The following PTPRS variants were observed in gnomAD, a reference collection of about 807,000 sequenced individuals.
The protein encoded by PTPRS is receptor-type tyrosine-protein phosphatase S.
PTPRS carries 63 observed loss-of-function variants against 215.3 expected under a neutral mutation model. The ratio of observed to expected loss-of-function variants is 0.29; its 90% CI spans 0.24 to 0.36. The LOEUF (loss-of-function observed/expected upper bound fraction) is 0.36. PTPRS is among the 10% of genes least tolerant of loss of function. PTPRS has a pLI of 1.00. For synonymous variants in PTPRS, 1,404 were observed against 1,191.4 expected, an observed-to-expected ratio of 1.18 and a Z score of -3.68; for missense variants, 2,258 against 2,825.8, an observed-to-expected ratio of 0.80 and a Z score of 4.56.
chr19:5,233,407 G>T (rs1461987741), intron 13 of PTPRS, among the ~76,000 whole-genome samples: 1 of 150,310 alleles, frequency 6.7e-6, no homozygotes, highest in East Asian at 2.0e-4. Flanking sequence ...AACAGCAACA[G>T]AAGCTCCATT....
Position 5,210,548 on chromosome 19 carries a change from T to G in PTPRS, c.5408A>C (p.Gln1803Pro). ...YWPAERSARY[Q>P]YFVVDPMAEY... ...TGCCATCGGATCTACCACAAAGTAC[T>G]GGTAGCGGGCAGAGCGCTCGGCCGG... The change falls in exon 35 of 38, where the codon CAG becomes CCG. Residue 1803 changes from glutamine to proline, a missense_variant. Physicochemically the swap from Gln to Pro is moderately conservative, Grantham distance 76 (BLOSUM62 -1). Coordinates refer to ENST00000262963, the MANE Select transcript of PTPRS (RefSeq NM_002850.4). This position sits in a 1 kb window ranked among gnomAD's most constrained non-coding sequence, Gnocchi z 4.5. 1.2e-6 allele frequency: 2 copies of G among 1,614,186 alleles called. No homozygotes were observed. The highest frequency in any genetic ancestry group is 1.7e-6 in the Non-Finnish European group (2 of 1,180,030).
chr19:5,228,832 C>T (rs968610116), intron 16 of PTPRS, among the ~76,000 whole-genome samples: 2 of 152,182 alleles, frequency 1.3e-5, no homozygotes, highest in Non-Finnish European at 2.9e-5. Flanking sequence ...CCACTCTGGC[C>T]CCGCTGACAC....
At chr19:5,300,309 C>A (rs1198806204) in intron 1 of PTPRS, among the ~76,000 whole-genome samples, 1 of 143,480 alleles carries the variant, frequency 7.0e-6, no homozygotes, top group Non-Finnish European at 1.5e-5. Context: ...CAAGTCACAC[C>A]GGCCACATTT....
Position 5,308,235 on chromosome 19 carries a change from C to T in PTPRS, c.-94-22001G>A, listed in dbSNP as rs573308624. On this transcript the variant is annotated intron_variant, in intron 1 of 37. Transcript: ENST00000262963. Reference sequence around the variant, plus strand: ...GGCCTGGTTCCCCTCGACGCTGCCACCCTGGATAATACCACACTTCAAACA... The same window carrying T: ...GGCCTGGTTCCCCTCGACGCTGCCATCCTGGATAATACCACACTTCAAACA... 9.8e-5 allele frequency among the ~76,000 whole-genome samples: 15 copies of T among 152,322 alleles called. No homozygotes were observed. The South Asian group carries it at 2.7e-3, about 27-fold the overall frequency.
At chr19:5,309,513 T>C (rs2049621930) in intron 1 of PTPRS, among the ~76,000 whole-genome samples, 1 of 152,162 alleles carries the variant, frequency 6.6e-6, no homozygotes, top group African/African-American at 2.4e-5. Flanking sequence ...AAACCCGCTA[T>C]GGGCTAAGTC....
At chr19:5,227,927 A>G (rs1378654631) in intron 16 of PTPRS, among the ~76,000 whole-genome samples, 1 of 151,918 alleles carries the variant, frequency 6.6e-6, no homozygotes, top group East Asian at 1.9e-4. Flanking sequence ...CATGTCTGCA[A>G]GCACACACGC....
At chr19:5,314,876 T>A (rs919984182) in intron 1 of PTPRS, among the ~76,000 whole-genome samples, 1 of 152,174 alleles carries the variant, frequency 6.6e-6, no homozygotes, top group Non-Finnish European at 1.5e-5. Flanking sequence ...CCTCTGACCC[T>A]TGGATCATTC....
intron 12 of PTPRS, 99 bp from the exon 13 acceptor site, chr19:5,239,162 GGGGA>G (rs751664728): frequency 0.019 from 9,706 of 506,282 alleles, 119 homozygotes; most frequent in African/African-American, 0.046. Flanking sequence ...GAGGGGGGAG[GGGGA>G]GAGAGAGAGA....
chr19:5,299,988 C>G (rs2147081441), intron 1 of PTPRS, among the ~76,000 whole-genome samples: 1 of 152,124 alleles, frequency 6.6e-6, no homozygotes, highest in East Asian at 1.9e-4. Context: ...CACCTGTAAT[C>G]CCAGCATTTT....
chr19:5,300,975 C>T (rs887568353), intron 1 of PTPRS, among the ~76,000 whole-genome samples: 4 of 152,192 alleles, frequency 2.6e-5, no homozygotes, highest in Non-Finnish European at 5.9e-5. Flanking sequence ...ACTCCCTGGG[C>T]AGCCACGTTA....
chr19:5,223,411 G>GC (rs2042187970), intron 17 of PTPRS, 114 bp from the exon 18 acceptor site: 4 of 1,268,034 alleles, frequency 3.2e-6, no homozygotes, highest in Admixed American at 3.6e-5. Context: ...TTTTGAGTTG[G>GC]GGGGGGTCTT....
In PTPRS at chr19:5,219,341, A is replaced by C. The variant is rs762117575; in HGVS notation, c.3892T>G (p.Cys1298Gly). 3 of 1,614,116 alleles carry C rather than the reference A, an allele frequency of 1.9e-6. No individual in the cohort carries two copies. In the South Asian group the frequency reaches 3.3e-5, roughly 18 times the overall value. ...TAGAGCAGGATAGCAATGACAATGC[A>C]GATTATGAAGACCACGGCCAGCACA... is the stretch of plus-strand genomic sequence containing the variant. ...GPVLAVVFII[C>G]IVIAILLYKN... Residue 1298 changes from cysteine (C) to glycine (G), a missense_variant, in exon 23 of 38, where the codon TGC becomes GGC. Around this residue, in one of 6 missense-constraint regions of PTPRS, gnomAD observed 927 missense variants for 1,125.9 expected, o/e 0.82. Coordinates refer to ENST00000262963, the MANE Select transcript of PTPRS (RefSeq NM_002850.4).
Position 5,244,657 on chromosome 19 carries a change from G to A in PTPRS, c.989-175C>T, listed in dbSNP as rs367961506. On this transcript the variant is annotated intron_variant, in intron 10 of 37. Transcript: ENST00000262963. This position sits in a 1 kb window ranked among gnomAD's most constrained non-coding sequence, Gnocchi z 7.2. Reference sequence around the variant, plus strand: ...GCAAGGGGTAACAAACTATGGCCCAGGGTCCACCCAGTACCCATTTTCTTT... The same window carrying A: ...GCAAGGGGTAACAAACTATGGCCCAAGGTCCACCCAGTACCCATTTTCTTT... 7.2e-5 allele frequency among the ~76,000 whole-genome samples: 11 copies of A among 152,230 alleles called. No homozygotes were observed. Among genetic ancestry groups the A allele is most frequent in the East Asian group, 1.9e-4 (1 of 5,182 alleles).
rs1416401387 is a variant in PTPRS at position 5,293,293 on chromosome 19, A to G, written c.-94-7059T>C. 2.1e-5 allele frequency: 1 copy of G among 48,656 alleles called. No individual in the cohort carries two copies. Among genetic ancestry groups the G allele is most frequent in the Non-Finnish European group, 4.2e-5 (1 of 23,580 alleles). The allele number at this position is 48,656 out of a possible 1,614,324, so 3.0% of individuals were successfully genotyped here. A position where few individuals can be genotyped will look rare whatever the true frequency, so the allele number is the denominator to read the frequency against. ...GGGAGCTCGGCCTGGGGGCGGGGCA[A>G]GGGGCGGGGCTGTAGGGGGCGGGGT... On this transcript the variant is annotated intron_variant, in intron 1 of 37. Transcript: ENST00000262963. This position sits in a 1 kb window ranked among gnomAD's most constrained non-coding sequence, Gnocchi z 8.4.
Position 5,239,070 on chromosome 19 carries a change from G to A in PTPRS, c.1705-7C>T, listed in dbSNP as rs1424163754. On this transcript the variant is annotated splice_polypyrimidine_tract_variant and splice_region_variant and intron_variant, in intron 12 of 37. Coordinates refer to ENST00000262963, the MANE Select transcript of PTPRS (RefSeq NM_002850.4). Reference sequence around the variant, plus strand: ...GGTCGAAGGTCCTTCCCACCTGGGGGCAGGGCAGAGAAGGACAGAGAGGGA... The same window carrying A: ...GGTCGAAGGTCCTTCCCACCTGGGGACAGGGCAGAGAAGGACAGAGAGGGA... 1.2e-6 allele frequency: 2 copies of A among 1,611,072 alleles called. No individual in the cohort carries two copies. Among genetic ancestry groups the A allele is most frequent in the Admixed American group, 1.7e-5 (1 of 59,812 alleles).
intron 7 of PTPRS, 36 bp downstream of exon 7, chr19:5,260,769 G>C (rs747783260): frequency 6.2e-7 from 1 of 1,612,904 alleles, no homozygotes; most frequent in South Asian, 1.1e-5. Context: ...CAGCAAGAGC[G>C]AGCGTGAGTG....
chr19:5,272,837 G>C (rs1224764733), intron 4 of PTPRS, among the ~76,000 whole-genome samples: 1 of 152,004 alleles, frequency 6.6e-6, no homozygotes, highest in Non-Finnish European at 1.5e-5. Context: ...TTGCAGGTGT[G>C]AGCCACCATG....
chr19:5,275,451 G>T (rs1037468696), intron 2 of PTPRS, among the ~76,000 whole-genome samples: 8 of 151,240 alleles, frequency 5.3e-5, no homozygotes, highest in African/African-American at 1.9e-4. Context: ...CAGTGGCACG[G>T]TCTTGGCTCA....
chr19:5,257,575 C>A lies in PTPRS; in HGVS notation c.706+442G>T. 4.7e-6 allele frequency: 2 copies of A among 422,558 alleles called. No homozygotes were observed. Among genetic ancestry groups the A allele is most frequent in the Non-Finnish European group, 4.8e-6 (1 of 209,682 alleles). The allele number at this position is 422,558 out of a possible 1,614,324, so 26.2% of individuals were successfully genotyped here. On this transcript the variant is annotated intron_variant, in intron 8 of 37. Transcript: ENST00000262963. This position sits in a 1 kb window ranked among gnomAD's most constrained non-coding sequence, Gnocchi z 4.4. ...GGCAGTGAAGCGGGGAGCTACGAGG[C>A]CACAAAGTTGGGAGAAGCAAAGCCA... is the stretch of plus-strand genomic sequence containing the variant.
Sources: allele counts gnomAD v4.1 joint callset (sites outside exome capture counted in the v4.1 genomes callset), GRCh38; gene constraint gnomAD v4.1.1; regional missense constraint gnomAD v4.1.1; non-coding constraint Gnocchi (gnomAD v3.1); transcripts MANE v1.5; gene names NCBI Gene and HGNC (gene_info 2026-07-23, HGNC 2026-07-21).